Variants in SUFU observed in about 807,000 individuals in gnomAD.
The protein encoded by SUFU is suppressor of fused homolog.
Under a neutral mutation model 58.9 loss-of-function variants are expected in SUFU, and 7 were observed. That is an observed-to-expected ratio of 0.12 (90% CI 0.07 to 0.22). The LOEUF is 0.22. SUFU is among the 10% of genes least tolerant of loss of function. The pLI, the probability that SUFU is intolerant of heterozygous loss-of-function variation, is 1.00. For synonymous variants in SUFU, 232 were observed against 254.8 expected (o/e 0.91, Z 0.85); for missense variants, 451 against 641.3 (o/e 0.70, Z 3.20).
At chr10:102,620,495 T>C (rs1157314935) in intron 10 of SUFU, among the ~76,000 whole-genome samples, 39 of 152,172 alleles carry the variant, frequency 2.6e-4, no homozygotes, top group Admixed American at 2.6e-3. Context: ...TGGAGCACAG[T>C]GGACACTCCC....
At position 102,617,565 on chromosome 10, in the gene SUFU, G is replaced by A. The variant is rs781111693; in HGVS notation, c.1296+137G>A. On this transcript the variant is annotated intron_variant, in intron 10 of 11. Coordinates refer to ENST00000369902, the MANE Select transcript of SUFU (RefSeq NM_016169.4). This position sits in a 1 kb window ranked among gnomAD's most constrained non-coding sequence, Gnocchi z 4.4. ...GAATGCCTCATGGATTCAGGGCCTG[G>A]GGCCTGTGTGTAGGTATGGAGTGTG... is the stretch of plus-strand genomic sequence containing the variant. 1 of 1,237,254 alleles carries A rather than the reference G, an allele frequency of 8.1e-7. No individual in the cohort carries two copies. The highest frequency in any genetic ancestry group is 2.4e-5 in the East Asian group (1 of 42,470). 76.6% of individuals were successfully genotyped at this position (1,237,254 alleles called of 1,614,324 possible).
intron 8 of SUFU, among the ~76,000 whole-genome samples, chr10:102,613,025 C>A (rs1356989272): frequency 6.6e-6 from 1 of 152,206 alleles, no homozygotes; most frequent in Non-Finnish European, 1.5e-5. Flanking sequence ...ACTGAGCCCT[C>A]ACCTGTGACT....
intron 3 of SUFU, chr10:102,572,712 G>T: frequency 1.4e-6 from 1 of 696,188 alleles, no homozygotes; most frequent in South Asian, 1.4e-5. Flanking sequence ...TGTTGTTATG[G>T]TGAAAAGATA....
intron 2 of SUFU, among the ~76,000 whole-genome samples, chr10:102,531,741 C>T (rs750099739): frequency 4.6e-5 from 7 of 152,098 alleles, no homozygotes; most frequent in Non-Finnish European, 8.8e-5. Context: ...AGTGATGTAA[C>T]CCAGGGCTAG....
rs550999186 is a variant in SUFU, at chr10:102,578,396, G to A, written c.455-14186G>A. 7.9e-5 allele frequency among the ~76,000 whole-genome samples: 12 copies of A among 152,196 alleles called. No homozygotes were observed. The East Asian group carries it at 2.3e-3, about 30-fold the overall frequency. ...AGTTCGAGACCAGCCTGGCCAACAT[G>A]GTGAAACCCCATCTCTACTAAAAAT... On this transcript the variant is annotated intron_variant, in intron 3 of 11. Coordinates refer to ENST00000369902, the MANE Select transcript of SUFU (RefSeq NM_016169.4).
intron 3 of SUFU, among the ~76,000 whole-genome samples, chr10:102,550,572 T>C (rs897279868): frequency 1.3e-5 from 2 of 152,146 alleles, no homozygotes; most frequent in African/African-American, 4.8e-5. Flanking sequence ...AAAGCATGGT[T>C]CTTATACCAC....
At chr10:102,530,230 A>AG (rs1490974497) in intron 2 of SUFU, among the ~76,000 whole-genome samples, 4 of 151,942 alleles carry the variant, frequency 2.6e-5, no homozygotes, top group Admixed American at 2.6e-4. Context: ...GGGATGCTGG[A>AG]GTAATATGTT....
rs1175563323 is a variant in SUFU, at chr10:102,567,006, CTTTTT to C, written c.454+16919_454+16923del. ...ATTGCAAAAGAAAAGGAAACAGGCT[CTTTTT>C]TTTTTTTTTTTTTTTTTTGAGACAG... On this transcript the variant is annotated intron_variant, in intron 3 of 11. Coordinates refer to ENST00000369902, the MANE Select transcript of SUFU (RefSeq NM_016169.4). Among the ~76,000 whole-genome samples, 230 of 64,664 alleles carry C rather than the reference CTTTTT, an allele frequency of 3.6e-3. 2 individuals are homozygous for C. The highest frequency in any genetic ancestry group is 0.014 in the African/African-American group (221 of 16,034). 42.4% of individuals were successfully genotyped at this position (64,664 alleles called of 152,430 possible).
intron 4 of SUFU, 37 bp downstream of exon 4, chr10:102,592,761 G>A (rs2063417551): frequency 6.2e-7 from 1 of 1,611,828 alleles, no homozygotes; most frequent in Non-Finnish European, 8.5e-7. Flanking sequence ...AAGCCTTCCT[G>A]TGGGAAGGGT....
intron 3 of SUFU, among the ~76,000 whole-genome samples, chr10:102,568,954 A>G (rs866948544): frequency 6.7e-5 from 7 of 104,084 alleles, no homozygotes; most frequent in African/African-American, 2.6e-4. Context: ...ATATATATAT[A>G]TATATATATC....
intron 3 of SUFU, among the ~76,000 whole-genome samples, chr10:102,553,957 G>A (rs1181018015): frequency 1.3e-5 from 2 of 152,208 alleles, no homozygotes; most frequent in African/African-American, 4.8e-5. Context: ...AGCCATTGTG[G>A]TGACGCGTGC....
At chr10:102,514,148 A>G (rs750406250) in intron 2 of SUFU, among the ~76,000 whole-genome samples, 3 of 152,052 alleles carry the variant, frequency 2.0e-5, no homozygotes, top group Non-Finnish European at 2.9e-5. Context: ...TGGCCTCTCA[A>G]AGTGCTGGAA....
At chr10:102,582,994 C>G (rs1020305394) in intron 3 of SUFU, among the ~76,000 whole-genome samples, 12 of 152,178 alleles carry the variant, frequency 7.9e-5, no homozygotes, top group Non-Finnish European at 1.5e-5. Flanking sequence ...CTGGACTGAA[C>G]AGCTGGGCCT....
intron 1 of SUFU, among the ~76,000 whole-genome samples, chr10:102,507,450 GC>G (rs2062341191): frequency 6.6e-6 from 1 of 152,068 alleles, no homozygotes; most frequent in African/African-American, 2.4e-5. Flanking sequence ...TTCTTCCCTT[GC>G]CCCACAAACT....
intron 8 of SUFU, among the ~76,000 whole-genome samples, chr10:102,607,954 G>A (rs966706354): frequency 1.3e-5 from 2 of 150,968 alleles, no homozygotes; most frequent in East Asian, 2.0e-4. Context: ...AGGAAACACC[G>A]GGGAAAGTTT....
chr10:102,535,930 AGATGAT>A (rs36203045), intron 2 of SUFU, among the ~76,000 whole-genome samples: 116 of 148,828 alleles, frequency 7.8e-4, no homozygotes, highest in South Asian at 1.3e-3. Context: ...TCTAGGCTGG[AGATGAT>A]GATGATGATG....
At chr10:102,545,543 A>T (rs1564674639) in intron 2 of SUFU, among the ~76,000 whole-genome samples, 1 of 152,114 alleles carries the variant, frequency 6.6e-6, no homozygotes, top group Non-Finnish European at 1.5e-5. Context: ...AAGTAGCTCC[A>T]TCATTTTATA....
chr10:102,632,673 G>T lies in SUFU; in HGVS notation c.*2518G>T. The T allele has an allele frequency of 4.3e-6, 1 of 233,322 alleles. No homozygotes were observed. The highest frequency in any genetic ancestry group is 8.5e-6 in the Non-Finnish European group (1 of 118,086). The allele number at this position is 233,322 out of a possible 1,614,324, so 14.5% of individuals were successfully genotyped here. On this transcript the variant is annotated 3_prime_UTR_variant, in exon 12 of 12. Coordinates refer to ENST00000369902, the MANE Select transcript of SUFU (RefSeq NM_016169.4). ...GGGAGCCCCTGACCTTGTAGTGGGT[G>T]GAGGAGGTAAGGGGCCTCCCTCCCT...
At chr10:102,623,864 C>A (rs1051907509) in intron 10 of SUFU, among the ~76,000 whole-genome samples, 2 of 152,144 alleles carry the variant, frequency 1.3e-5, no homozygotes, top group African/African-American at 4.8e-5. Flanking sequence ...CGCTTGAACC[C>A]AGGAGGCGGA....
Sources: allele counts gnomAD v4.1 joint callset (sites outside exome capture counted in the v4.1 genomes callset), GRCh38; gene constraint gnomAD v4.1.1; non-coding constraint Gnocchi (gnomAD v3.1); transcripts MANE v1.5; gene names NCBI Gene and HGNC (gene_info 2026-07-23, HGNC 2026-07-21).